PLCB1: variants seen among roughly 807,000 people sequenced by gnomAD.
PLCB1 encodes the protein phospholipase C beta 1, also known as 1-phosphatidylinositol 4,5-bisphosphate phosphodiesterase beta-1.
A neutral mutation model predicts 161.8 loss-of-function variants in PLCB1; 46 were observed. The observed-to-expected ratio is 0.28, with a 90% CI of 0.22 to 0.36. The LOEUF (loss-of-function observed/expected upper bound fraction) is 0.36. PLCB1 is among the 10% of genes least tolerant of loss of function. The pLI, the probability that PLCB1 is intolerant of heterozygous loss-of-function variation, is 1.00. For missense variants in PLCB1, 1,016 were observed against 1,472.5 expected (o/e 0.69, Z 5.07); for synonymous variants, 517 against 503.7 (o/e 1.03, Z -0.35).
chr20:8,763,368 A>AT (rs1420138406), intron 25 of PLCB1, among the ~76,000 whole-genome samples: 1 of 151,798 alleles, frequency 6.6e-6, no homozygotes, highest in Non-Finnish European at 1.5e-5. Context: ...CACCTGGCTA[A>AT]TTTTTGCATT....
intron 2 of PLCB1, among the ~76,000 whole-genome samples, chr20:8,175,083 A>G (rs2051768779): frequency 6.6e-6 from 1 of 152,074 alleles, no homozygotes; most frequent in Non-Finnish European, 1.5e-5. Context: ...AAATATTAAA[A>G]GTAATAATAA....
chr20:8,200,089 C>CTCTTGGAGAATGCAAATT (rs1218379339), intron 2 of PLCB1, among the ~76,000 whole-genome samples: 2 of 152,054 alleles, frequency 1.3e-5, no homozygotes, highest in African/African-American at 4.8e-5. Flanking sequence ...TTCATTGTCA[C>CTCTTGGAGAATGCAAATT]TCATTTGCAT....
intron 2 of PLCB1, among the ~76,000 whole-genome samples, chr20:8,186,403 T>C (rs999553707): frequency 3.3e-5 from 5 of 152,204 alleles, no homozygotes; most frequent in African/African-American, 1.2e-4. Flanking sequence ...ATGTTGTCTT[T>C]ACTTTTACTA....
intron 2 of PLCB1, among the ~76,000 whole-genome samples, chr20:8,208,416 C>T (rs545439868): frequency 1.6e-4 from 24 of 152,164 alleles, no homozygotes; most frequent in East Asian, 1.2e-3. Flanking sequence ...AGGGAGGAGG[C>T]GGTCATTTTC....
chr20:8,419,235 T>C (rs1356536682), intron 3 of PLCB1, among the ~76,000 whole-genome samples: 1 of 152,230 alleles, frequency 6.6e-6, no homozygotes, highest in Non-Finnish European at 1.5e-5. Flanking sequence ...CTTTGTAGAG[T>C]GCTTAACAGC....
chr20:8,743,977 T>C (rs958088101), intron 23 of PLCB1, among the ~76,000 whole-genome samples: 3 of 152,290 alleles, frequency 2.0e-5, no homozygotes, highest in African/African-American at 7.2e-5. Context: ...TTTAATAAAC[T>C]ATAATTAAAG....
At chr20:8,343,951 A>G (rs889890934) in intron 2 of PLCB1, among the ~76,000 whole-genome samples, 5 of 152,226 alleles carry the variant, frequency 3.3e-5, no homozygotes, top group Non-Finnish European at 7.3e-5. Flanking sequence ...CGTTGACATC[A>G]GGATTCCACT....
At chr20:8,372,389 G>A (rs554623832) in intron 3 of PLCB1, among the ~76,000 whole-genome samples, 3 of 152,264 alleles carry the variant, frequency 2.0e-5, no homozygotes, top group South Asian at 2.1e-4. Context: ...CTTCAGAGGC[G>A]TAAAAAGGCA....
At chr20:8,730,218 C>T (rs1410404077) in intron 18 of PLCB1, among the ~76,000 whole-genome samples, 1 of 151,856 alleles carries the variant, frequency 6.6e-6, no homozygotes, top group African/African-American at 2.4e-5. Context: ...GCCTCCTCAC[C>T]CCAGGATGAA....
rs181129431 is a variant in PLCB1, at chr20:8,219,562, T to C, written c.177+69191T>C. ...TTAGCATTGTCTTAGCTTGCCAAGC[T>C]CTAGTTTGTTGATGTAAGATACTGA... On this transcript the variant is annotated intron_variant, in intron 2 of 31. Transcript: ENST00000338037. Among the ~76,000 whole-genome samples the C allele has an allele frequency of 4.4e-3, 666 of 152,258 alleles. 1 individual carries two copies. Among genetic ancestry groups the C allele is most frequent in the African/African-American group, 0.015 (625 of 41,570 alleles).
At chr20:8,804,577 G>T (rs1340553422) in intron 31 of PLCB1, among the ~76,000 whole-genome samples, 1 of 152,056 alleles carries the variant, frequency 6.6e-6, no homozygotes, top group African/African-American at 2.4e-5. Context: ...AATAGTGTAT[G>T]GAAAAAAGAT....
chr20:8,233,358 A>G (rs1980164722), intron 2 of PLCB1, among the ~76,000 whole-genome samples: 1 of 152,166 alleles, frequency 6.6e-6, no homozygotes, highest in African/African-American at 2.4e-5. Flanking sequence ...AAAGACAATA[A>G]GAATGAATCC....
chr20:8,636,575 G>A (rs546959803), intron 4 of PLCB1, among the ~76,000 whole-genome samples: 1 of 152,206 alleles, frequency 6.6e-6, no homozygotes, highest in South Asian at 2.1e-4. Flanking sequence ...ATTAAAAAAG[G>A]GGCAACTTGG....
chr20:8,251,303 G>A (rs6055692), intron 2 of PLCB1, among the ~76,000 whole-genome samples: 7,311 of 151,990 alleles, frequency 0.048, 570 homozygotes, highest in African/African-American at 0.16. Flanking sequence ...AAACATTCAA[G>A]CAACAACAGT....
Position 8,669,925 on chromosome 20 carries a change from C to T in PLCB1, c.862+11221C>T, listed in dbSNP as rs114785052. Among the ~76,000 whole-genome samples, 1,021 of 152,306 alleles carry T rather than the reference C, an allele frequency of 6.7e-3. 14 individuals are homozygous for T. Among genetic ancestry groups the T allele is most frequent in the African/African-American group, 0.023 (973 of 41,568 alleles). The stretch of plus-strand genomic sequence containing the variant: ...ATACAACGCCAATGTCCAATTTGAT[C>T]AAGGAACATAACATTCTGGTGAAGG... On this transcript the variant is annotated intron_variant, in intron 9 of 31. Coordinates refer to ENST00000338037, the MANE Select transcript of PLCB1 (RefSeq NM_015192.4).
At chr20:8,802,710 G>A (rs561032099) in intron 31 of PLCB1, among the ~76,000 whole-genome samples, 2 of 152,132 alleles carry the variant, frequency 1.3e-5, no homozygotes, top group East Asian at 3.9e-4. Flanking sequence ...AGTGAATGGG[G>A]ACAGCTTGTG....
chr20:8,198,153 C>T (rs561855553), intron 2 of PLCB1, among the ~76,000 whole-genome samples: 26 of 151,776 alleles, frequency 1.7e-4, no homozygotes, highest in Non-Finnish European at 3.2e-4. Flanking sequence ...GCTCTTTTTT[C>T]GTTCCATATG....
intron 10 of PLCB1, 128 bp downstream of exon 10, chr20:8,685,206 G>A: frequency 1.2e-6 from 1 of 845,428 alleles, no homozygotes; most frequent in South Asian, 1.6e-5. Flanking sequence ...GAGAACTCTG[G>A]GGTTCCACCA....
chr20:8,489,265 G>GT (rs1453699813), intron 3 of PLCB1, among the ~76,000 whole-genome samples: 1 of 152,124 alleles, frequency 6.6e-6, no homozygotes, highest in Non-Finnish European at 1.5e-5. Flanking sequence ...AGAGGATGGT[G>GT]TATTTGCGTG....
Sources: gnomAD v4.1 joint callset for allele counts (sites outside exome capture counted in the v4.1 genomes callset) on GRCh38, gnomAD v4.1.1 for gene constraint, MANE v1.5 for transcripts, NCBI Gene and HGNC (gene_info 2026-07-23, HGNC 2026-07-21) for gene names.